Variants in LRRFIP1 observed in about 807,000 individuals in gnomAD.
The protein encoded by LRRFIP1 is leucine-rich repeat flightless-interacting protein 1.
Under a neutral mutation model 104.4 loss-of-function variants are expected in LRRFIP1, and 62 were observed. That is an observed-to-expected ratio of 0.59 (90% confidence interval 0.48 to 0.73). The LOEUF is 0.73. Ranked by LOEUF, LRRFIP1 falls within the 30% of genes least tolerant of loss-of-function variation. The pLI, the probability that LRRFIP1 is intolerant of heterozygous loss-of-function variation, is 0.00. For missense variants in LRRFIP1, 796 were observed against 824.5 expected, an observed-to-expected ratio of 0.97 and a Z score of 0.42; for synonymous variants, 300 against 299.0, an observed-to-expected ratio of 1.00 and a Z score of -0.03.
At chr2:237,753,636 G>A (rs1219380899) in intron 15 of LRRFIP1, among the ~76,000 whole-genome samples, 157 bp downstream of exon 15, 2 of 151,980 alleles carry the variant, frequency 1.3e-5, no homozygotes, top group Non-Finnish European at 2.9e-5. Flanking sequence ...TTTCTAAAAA[G>A]AATTAAAACA....
At chr2:237,646,443 G>A (rs980716028) in intron 1 of LRRFIP1, among the ~76,000 whole-genome samples, 7 of 151,492 alleles carry the variant, frequency 4.6e-5, no homozygotes, top group Admixed American at 2.6e-4. Flanking sequence ...CACTGTGTGT[G>A]AGAACATGCG....
In LRRFIP1 at chr2:237,668,034, C is replaced by A. The variant is rs115279190; in HGVS notation, c.96+40294C>A. Among the ~76,000 whole-genome samples the A allele has an allele frequency of 9.4e-3, 1,429 of 152,226 alleles. 21 individuals carry two copies. Among genetic ancestry groups the A allele is most frequent in the African/African-American group, 0.033 (1,360 of 41,520 alleles). ...CCTTCTTTTGAACTCCACCTGACAA[C>A]TTGACACCCCCCTTTCCCCAACACT... On this transcript the variant is annotated intron_variant, in intron 1 of 23. Coordinates refer to ENST00000308482, the MANE Select transcript of LRRFIP1 (RefSeq NM_001137550.2).
At chr2:237,750,747 C>T (rs1056411904) in intron 13 of LRRFIP1, among the ~76,000 whole-genome samples, 4 of 151,258 alleles carry the variant, frequency 2.6e-5, no homozygotes, top group Non-Finnish European at 4.5e-5. Context: ...GAGAGGCTGG[C>T]TGGTGCCAGA....
At chr2:237,767,860 G>A (rs1359012820) in intron 19 of LRRFIP1, among the ~76,000 whole-genome samples, 1 of 152,206 alleles carries the variant, frequency 6.6e-6, no homozygotes, top group African/African-American at 2.4e-5. Flanking sequence ...GGCCCCTAAG[G>A]GAAAGGGAGG....
chr2:237,639,305 T>A (rs2083556710), intron 1 of LRRFIP1, among the ~76,000 whole-genome samples: 1 of 152,174 alleles, frequency 6.6e-6, no homozygotes, highest in South Asian at 2.1e-4. Context: ...TGAAATGAAC[T>A]CAGAATAAAA....
At chr2:237,632,512 C>A (rs1375549956) in intron 1 of LRRFIP1, among the ~76,000 whole-genome samples, 1 of 152,210 alleles carries the variant, frequency 6.6e-6, no homozygotes, top group Non-Finnish European at 1.5e-5. Flanking sequence ...TAAAGCCATG[C>A]CCCTTGTTTC....
At chr2:237,645,108 CAGG>C (rs1158943721) in intron 1 of LRRFIP1, among the ~76,000 whole-genome samples, 2 of 152,314 alleles carry the variant, frequency 1.3e-5, no homozygotes, top group African/African-American at 4.8e-5. Flanking sequence ...CCCATCCTGG[CAGG>C]AGGAGGATCA....
chr2:237,755,418 G>T (rs1359259525), intron 15 of LRRFIP1, among the ~76,000 whole-genome samples: 1 of 152,208 alleles, frequency 6.6e-6, no homozygotes, highest in Non-Finnish European at 1.5e-5. Flanking sequence ...TTCAGCAGGG[G>T]CCATTTTATG....
At chr2:237,719,035 C>T (rs902209952) in intron 4 of LRRFIP1, among the ~76,000 whole-genome samples, 1 of 152,140 alleles carries the variant, frequency 6.6e-6, no homozygotes, top group Non-Finnish European at 1.5e-5. Flanking sequence ...AACTGAGCAA[C>T]TTGGATTATA....
chr2:237,739,081 G>C, intron 10 of LRRFIP1, 151 bp from the exon 11 acceptor site: 3 of 627,434 alleles, frequency 4.8e-6, no homozygotes, highest in South Asian at 1.9e-5. Context: ...TGCGTTTGCT[G>C]TCTAACCCTA....
intron 11 of LRRFIP1, among the ~76,000 whole-genome samples, chr2:237,745,196 C>G (rs1258558960): frequency 2.0e-5 from 3 of 152,226 alleles, no homozygotes; most frequent in Non-Finnish European, 4.4e-5. Context: ...ACACTGCCAT[C>G]TGGTGGACAC....
At chr2:237,748,810 A>T (rs1032481242) in intron 12 of LRRFIP1, among the ~76,000 whole-genome samples, 1 of 152,228 alleles carries the variant, frequency 6.6e-6, no homozygotes, top group African/African-American at 2.4e-5. Context: ...CATCTGTGTT[A>T]GTCCGTTCTC....
rs780266319 is a variant in LRRFIP1 at position 237,719,546 on chromosome 2, T to C, written c.273T>C (p.Arg91=). The C allele has an allele frequency of 2.5e-6, 4 of 1,613,592 alleles. No individual in the cohort carries two copies. The highest frequency in any genetic ancestry group is 1.7e-5 in the Admixed American group (1 of 59,964). ...AGGAAGACAGTGAGCGCTACTCTCG[T>C]AGATCCAGAAGAAACACATCGGTTA... ...QWMEDSERYS[R]RSRRNTSASD... is the part of the protein sequence containing the mutation. The change falls in exon 5 of 24, where the codon CGT becomes CGC. Residue 91 remains arginine, a synonymous_variant. Transcript: ENST00000308482.
intron 8 of LRRFIP1, among the ~76,000 whole-genome samples, chr2:237,731,925 A>G (rs2095029575): frequency 6.6e-6 from 1 of 152,148 alleles, no homozygotes; most frequent in African/African-American, 2.4e-5. Context: ...CTTCCTGGAA[A>G]TTGTGCTCTG....
chr2:237,730,927 A>G (rs1455668754), intron 8 of LRRFIP1, among the ~76,000 whole-genome samples: 5 of 134,318 alleles, frequency 3.7e-5, no homozygotes, highest in African/African-American at 1.4e-4. Context: ...CAGACAAACA[A>G]ACAAACAAAC....
chr2:237,693,195 G>T (rs749450797), intron 1 of LRRFIP1, among the ~76,000 whole-genome samples: 4 of 152,248 alleles, frequency 2.6e-5, no homozygotes, highest in Non-Finnish European at 5.9e-5. Flanking sequence ...GGTTGAACAT[G>T]AATGGGAATA....
intron 1 of LRRFIP1, among the ~76,000 whole-genome samples, chr2:237,706,847 C>T (rs564928841): frequency 6.6e-6 from 1 of 152,264 alleles, no homozygotes; most frequent in South Asian, 2.1e-4. Flanking sequence ...AGGCTGGTCT[C>T]GAACTCTTGA....
intron 14 of LRRFIP1, among the ~76,000 whole-genome samples, chr2:237,752,629 C>T (rs2058763997): frequency 6.6e-6 from 1 of 152,202 alleles, no homozygotes; most frequent in East Asian, 1.9e-4. Flanking sequence ...AATCGCCTTC[C>T]CCTCCTCATG....
chr2:237,741,719 T>C (rs1268513013), intron 11 of LRRFIP1, among the ~76,000 whole-genome samples: 1 of 151,908 alleles, frequency 6.6e-6, no homozygotes. Flanking sequence ...TCCCAGCTAC[T>C]TGGGAGGCTG....
Sources: gnomAD v4.1 joint callset for allele counts (sites outside exome capture counted in the v4.1 genomes callset) on GRCh38, gnomAD v4.1.1 for gene constraint, MANE v1.5 for transcripts, NCBI Gene and HGNC (gene_info 2026-07-23, HGNC 2026-07-21) for gene names.